Variants in CHST9 observed in about 807,000 individuals in gnomAD.
The protein encoded by CHST9 is GalNAc-4-sulfotransferase 2.
CHST9 carries 41 observed loss-of-function variants against 44.4 expected under a neutral mutation model. The observed-to-expected ratio is 0.92, with a 90% CI of 0.72 to 1.20. CHST9 has a LOEUF of 1.20. Ranked by LOEUF, CHST9 falls within the 50% of genes most tolerant of loss-of-function variation. CHST9 has a pLI of 0.00. For missense variants in CHST9, 504 were observed against 516.5 expected, an observed-to-expected ratio of 0.98 and a Z score of 0.23; for synonymous variants, 171 against 178.4, an observed-to-expected ratio of 0.96 and a Z score of 0.33.
chr18:27,056,197 GGTAA>G lies in CHST9; in HGVS notation c.122-7698_122-7695del, dbSNP rs368177275. On this transcript the variant is annotated intron_variant, in intron 2 of 5. Transcript: ENST00000618847. ...AGATCTTGCAATTTTCTTTTTATCA[GGTAA>G]GTATTTATTTAGTACCTACTATGAG... 5.1e-4 allele frequency among the ~76,000 whole-genome samples: 77 copies of G among 152,132 alleles called. No individual in the cohort carries two copies. In the South Asian group the frequency reaches 0.011, roughly 22 times the overall value.
At chr18:26,993,946 C>G (rs2056854946) in intron 4 of CHST9, among the ~76,000 whole-genome samples, 1 of 152,226 alleles carries the variant, frequency 6.6e-6, no homozygotes, top group Non-Finnish European at 1.5e-5. Flanking sequence ...TCTGGGGCCT[C>G]TCTCCTCGGC....
intron 2 of CHST9, among the ~76,000 whole-genome samples, chr18:27,138,650 G>A (rs1293621037): frequency 2.6e-5 from 4 of 152,104 alleles, no homozygotes; most frequent in Non-Finnish European, 4.4e-5. Flanking sequence ...AACAGCTCAC[G>A]TTCATTGTGC....
At chr18:27,006,732 G>A (rs1186572188) in intron 4 of CHST9, among the ~76,000 whole-genome samples, 2 of 152,114 alleles carry the variant, frequency 1.3e-5, no homozygotes, top group African/African-American at 2.4e-5. Flanking sequence ...ATTTTTAGAT[G>A]TTATTTCGGT....
chr18:27,061,711 C>A (rs758675394), intron 2 of CHST9, among the ~76,000 whole-genome samples: 1 of 151,932 alleles, frequency 6.6e-6, no homozygotes, highest in African/African-American at 2.4e-5. Flanking sequence ...CCCCAGTGCA[C>A]GTGCATGAGG....
intron 5 of CHST9, among the ~76,000 whole-genome samples, chr18:26,943,713 G>A (rs889651185): frequency 6.6e-6 from 1 of 152,204 alleles, no homozygotes; most frequent in Non-Finnish European, 1.5e-5. Flanking sequence ...GCCTCTCTTT[G>A]TTTGTGTGGC....
intron 2 of CHST9, among the ~76,000 whole-genome samples, chr18:27,130,785 C>T (rs1003376868): frequency 6.6e-6 from 1 of 151,930 alleles, no homozygotes; most frequent in Admixed American, 6.6e-5. Context: ...TGACTGAGAG[C>T]TATATATATC....
chr18:26,991,372 A>G, intron 4 of CHST9, among the ~76,000 whole-genome samples: 1 of 152,262 alleles, frequency 6.6e-6, no homozygotes, highest in Non-Finnish European at 1.5e-5. Context: ...TGAAGATGCC[A>G]TCAATGGACA....
Position 26,957,400 on chromosome 18 carries a change from T to C in CHST9, c.203-13034A>G, listed in dbSNP as rs1031839536. The stretch of plus-strand genomic sequence containing the variant: ...TAAGAGGACCAGGTACTAATATAGA[T>C]AGTGTAGACATGCTATCTCAGTACG... On this transcript the variant is annotated intron_variant, in intron 4 of 5. Coordinates refer to ENST00000618847, the MANE Select transcript of CHST9 (RefSeq NM_031422.6). Among the ~76,000 whole-genome samples the C allele has an allele frequency of 4.6e-5, 7 of 152,282 alleles. No homozygotes were observed. The South Asian group carries it at 8.3e-4, about 18-fold the overall frequency.
intron 4 of CHST9, among the ~76,000 whole-genome samples, chr18:26,946,943 G>A (rs1188599887): frequency 8.6e-5 from 13 of 152,004 alleles, no homozygotes; most frequent in Admixed American, 3.3e-4. Flanking sequence ...GTTTGAAGTC[G>A]GGTGGTATGA....
intron 4 of CHST9, among the ~76,000 whole-genome samples, chr18:26,959,065 C>A (rs2056366205): frequency 6.6e-6 from 1 of 152,152 alleles, no homozygotes; most frequent in Non-Finnish European, 1.5e-5. Context: ...TGAAATCAAC[C>A]TAGGTGCCCA....
chr18:27,135,303 G>C (rs1158778421), intron 2 of CHST9, among the ~76,000 whole-genome samples: 1 of 152,196 alleles, frequency 6.6e-6, no homozygotes, highest in Non-Finnish European at 1.5e-5. Flanking sequence ...TTTTCTGTCT[G>C]ATTCCTTGGC....
chr18:27,024,284 G>A, intron 3 of CHST9, 127 bp from the exon 4 acceptor site: 1 of 709,526 alleles, frequency 1.4e-6, no homozygotes. Flanking sequence ...GATGGGAAGG[G>A]AGAGGGTCAT....
At chr18:27,107,681 G>A (rs2058233334) in intron 2 of CHST9, among the ~76,000 whole-genome samples, 2 of 152,176 alleles carry the variant, frequency 1.3e-5, no homozygotes, top group Non-Finnish European at 2.9e-5. Context: ...CTGATGAAGA[G>A]GAAAGATGGC....
intron 2 of CHST9, among the ~76,000 whole-genome samples, chr18:27,119,034 C>A (rs1006704277): frequency 2.6e-5 from 4 of 151,844 alleles, no homozygotes; most frequent in African/African-American, 9.7e-5. Flanking sequence ...TTTTTGGAAC[C>A]AAAACCTATG....
intron 5 of CHST9, among the ~76,000 whole-genome samples, chr18:26,923,909 C>A (rs2055711050): frequency 1.3e-5 from 2 of 152,170 alleles, no homozygotes; most frequent in Non-Finnish European, 2.9e-5. Context: ...TGAGGAGCTA[C>A]CAGGTGGACA....
intron 2 of CHST9, among the ~76,000 whole-genome samples, chr18:27,132,370 A>G (rs1423123524): frequency 2.0e-5 from 3 of 152,226 alleles, no homozygotes; most frequent in Non-Finnish European, 4.4e-5. Context: ...TCTGACCTCA[A>G]CGAAGACATT....
chr18:27,147,621 C>T (rs1417058145), intron 1 of CHST9: 1 of 152,218 alleles, frequency 6.6e-6, no homozygotes, highest in Non-Finnish European at 1.5e-5. Flanking sequence ...TGTTTACCTT[C>T]ATTGGTCCAC....
chr18:27,052,365 C>T (rs987648247), intron 2 of CHST9, among the ~76,000 whole-genome samples: 19 of 151,898 alleles, frequency 1.3e-4, no homozygotes, highest in South Asian at 8.3e-4. Context: ...CACACATACA[C>T]ACAAAACATC....
chr18:26,936,783 C>T (rs2056000783), intron 5 of CHST9: 3 of 152,094 alleles, frequency 2.0e-5, no homozygotes, highest in Non-Finnish European at 4.4e-5. Flanking sequence ...AAAAGATTGA[C>T]TAGAAAATTA....
Sources: allele counts gnomAD v4.1 joint callset (sites outside exome capture counted in the v4.1 genomes callset), GRCh38; gene constraint gnomAD v4.1.1; transcripts MANE v1.5; gene names NCBI Gene and HGNC (gene_info 2026-07-23, HGNC 2026-07-21).